CASZ1: variants seen among roughly 807,000 people sequenced by gnomAD.
The protein encoded by CASZ1 is zinc finger protein castor homolog 1.
In CASZ1, 28 loss-of-function variants were observed where a neutral mutation model predicts 135.2. That is an observed-to-expected ratio of 0.21 (90% confidence interval 0.15 to 0.28). The LOEUF is 0.28. Ranked by LOEUF, CASZ1 falls within the 10% of genes least tolerant of loss-of-function variation. CASZ1 has a pLI of 1.00. For missense variants in CASZ1, 2,161 were observed against 2,453.3 expected, an observed-to-expected ratio of 0.88 and a Z score of 2.52; for synonymous variants, 1,068 against 1,073.4, an observed-to-expected ratio of 0.99 and a Z score of 0.10.
chr1:10,745,721 C>G (rs1300468320), intron 2 of CASZ1, among the ~76,000 whole-genome samples: 4 of 152,196 alleles, frequency 2.6e-5, no homozygotes, highest in African/African-American at 9.7e-5. Context: ...TCTGTCCCCT[C>G]TAAGCCAAGA....
intron 1 of CASZ1, among the ~76,000 whole-genome samples, chr1:10,783,400 C>G (rs1289073544): frequency 6.7e-6 from 1 of 149,202 alleles, no homozygotes; most frequent in Non-Finnish European, 1.5e-5. Flanking sequence ...TTCCTTTTGC[C>G]CAAAGAAAGG....
chr1:10,692,230 C>T (rs1638791910), intron 4 of CASZ1, among the ~76,000 whole-genome samples: 1 of 152,216 alleles, frequency 6.6e-6, no homozygotes, highest in Non-Finnish European at 1.5e-5. Context: ...ACGCTGGCTC[C>T]AGCTGGCACC....
chr1:10,785,727 C>T (rs1465684968), intron 1 of CASZ1, among the ~76,000 whole-genome samples: 2 of 152,346 alleles, frequency 1.3e-5, no homozygotes, highest in South Asian at 2.1e-4. Context: ...CTTGGCTAAG[C>T]ACCGAGGCTC....
intron 2 of CASZ1, among the ~76,000 whole-genome samples, chr1:10,732,588 C>T (rs970671548): frequency 2.0e-5 from 3 of 152,156 alleles, no homozygotes; most frequent in African/African-American, 7.2e-5. Flanking sequence ...GGGAATTACA[C>T]ATCACATCCT....
Position 10,638,760 on chromosome 1 carries a change from C to G in CASZ1, c.*182G>C, listed in dbSNP as rs942294050. The G allele has an allele frequency of 2.3e-5, 12 of 512,970 alleles. No individual in the cohort carries two copies. Among genetic ancestry groups the G allele is most frequent in the Non-Finnish European group, 2.8e-5 (11 of 399,142 alleles). The allele number at this position is 512,970 out of a possible 1,614,324, so 31.8% of individuals were successfully genotyped here. A position where few individuals can be genotyped will look rare whatever the true frequency, so the allele number is the denominator to read the frequency against. On this transcript the variant is annotated 3_prime_UTR_variant, in exon 21 of 21. Coordinates refer to ENST00000377022, the MANE Select transcript of CASZ1 (RefSeq NM_001079843.3). The surrounding 1 kb of genome is among the most constrained non-coding windows in gnomAD (Gnocchi z 5.9). ...CCCGGCCTCCCTAGAGCAGGGCCACCGCCGCCGCCTGTGTCCTCGGCCGCG... is the reference window on the plus strand; with the variant it reads ...CCCGGCCTCCCTAGAGCAGGGCCACGGCCGCCGCCTGTGTCCTCGGCCGCG...
At chr1:10,722,312 C>A (rs1381021165) in intron 2 of CASZ1, among the ~76,000 whole-genome samples, 4 of 152,232 alleles carry the variant, frequency 2.6e-5, no homozygotes, top group Non-Finnish European at 5.9e-5. Flanking sequence ...ACATGTTTTG[C>A]TGAAGACACT....
Position 10,694,777 on chromosome 1 carries a change from G to C in CASZ1, c.-23-865C>G, listed in dbSNP as rs1302786797. 6.9e-6 allele frequency among the ~76,000 whole-genome samples: 1 copy of C among 145,148 alleles called. No individual in the cohort carries two copies. The highest frequency in any genetic ancestry group is 1.5e-5 in the Non-Finnish European group (1 of 65,418). On this transcript the variant is annotated intron_variant, in intron 3 of 20. Coordinates refer to ENST00000377022, the MANE Select transcript of CASZ1 (RefSeq NM_001079843.3). The surrounding 1 kb of genome is among the most constrained non-coding windows in gnomAD (Gnocchi z 6.6). Reference sequence around the variant, plus strand: ...TGCGATTCCCCAAACCTCTGGCTCCGGGAGGAGGAGGCGGGGACTTGCGCT... The same window carrying C: ...TGCGATTCCCCAAACCTCTGGCTCCCGGAGGAGGAGGCGGGGACTTGCGCT...
intron 2 of CASZ1, among the ~76,000 whole-genome samples, chr1:10,746,382 T>C (rs945908777): frequency 2.6e-5 from 4 of 151,988 alleles, no homozygotes; most frequent in African/African-American, 9.7e-5. Context: ...AAGATCCAAA[T>C]AAAAAGCCAA....
At chr1:10,746,306 C>T (rs946131093) in intron 2 of CASZ1, among the ~76,000 whole-genome samples, 4 of 152,152 alleles carry the variant, frequency 2.6e-5, no homozygotes, top group Admixed American at 1.3e-4. Flanking sequence ...GCTGAGAACT[C>T]GGCCAAAAAG....
Position 10,660,407 on chromosome 1 carries a change from C to T in CASZ1, c.635G>A (p.Gly212Asp). The change falls in exon 6 of 21, where the codon GGC becomes GAC. Residue 212 changes from glycine (G) to aspartate (D), a missense_variant. By Grantham distance (94) the Gly-to-Asp change is moderately conservative. Coordinates refer to ENST00000377022, the MANE Select transcript of CASZ1 (RefSeq NM_001079843.3). ...RKISFEKLHA[G>D]STPEAATSSM... ...GGAGGTGGCTGCCTCCGGGGTGGAG[C>T]CCGCGTGCAGCTTCTCAAAGCTGAT... is the stretch of plus-strand genomic sequence containing the variant. 6.2e-7 allele frequency: 1 copy of T among 1,614,156 alleles called. No individual in the cohort carries two copies. Among genetic ancestry groups the T allele is most frequent in the Non-Finnish European group, 8.5e-7 (1 of 1,180,000 alleles).
intron 18 of CASZ1, 65 bp from the exon 19 acceptor site, chr1:10,643,376 G>T (rs1200530820): frequency 1.3e-6 from 2 of 1,558,772 alleles, no homozygotes; most frequent in East Asian, 4.6e-5. Flanking sequence ...TCCAGGTCCT[G>T]TTGGGCACTG....
In CASZ1 at chr1:10,647,765, G is replaced by A. The variant is rs373350034; in HGVS notation, c.3497+36C>T. 2 of 1,611,426 alleles carry A rather than the reference G, an allele frequency of 1.2e-6. No homozygotes were observed. Among genetic ancestry groups the A allele is most frequent in the Non-Finnish European group, 1.7e-6 (2 of 1,180,002 alleles). ...CTAGCACCTACTCCCGAGACGCGAG[G>A]GGAACGCGGGACTCCCGGCTCATCG... On this transcript the variant is annotated intron_variant, in intron 16 of 20. Coordinates refer to ENST00000377022, the MANE Select transcript of CASZ1 (RefSeq NM_001079843.3). The surrounding 1 kb of genome is among the most constrained non-coding windows in gnomAD (Gnocchi z 4.9).
chr1:10,667,147 C>T (rs1237328487), intron 4 of CASZ1, among the ~76,000 whole-genome samples: 1 of 152,212 alleles, frequency 6.6e-6, no homozygotes, highest in Non-Finnish European at 1.5e-5. Flanking sequence ...ATGGCAATAC[C>T]TGGGTCCACC....
chr1:10,723,656 A>G (rs1053118022), intron 2 of CASZ1, among the ~76,000 whole-genome samples: 2 of 151,984 alleles, frequency 1.3e-5, no homozygotes, highest in African/African-American at 4.8e-5. Context: ...AGAGGAAAGG[A>G]CCCTCCAGGG....
chr1:10,682,764 T>C (rs981649642), intron 4 of CASZ1, among the ~76,000 whole-genome samples: 1 of 152,236 alleles, frequency 6.6e-6, no homozygotes, highest in Non-Finnish European at 1.5e-5. Context: ...TAGGGGCTCT[T>C]CAGCTCCATC....
intron 1 of CASZ1, among the ~76,000 whole-genome samples, chr1:10,792,502 A>G (rs1172761120): frequency 6.6e-6 from 1 of 151,914 alleles, no homozygotes; most frequent in Non-Finnish European, 1.5e-5. Context: ...TTTAATATTA[A>G]AAATGCATTA....
intron 1 of CASZ1, among the ~76,000 whole-genome samples, chr1:10,780,815 G>A (rs1469899923): frequency 6.6e-6 from 1 of 152,114 alleles, no homozygotes; most frequent in Non-Finnish European, 1.5e-5. Flanking sequence ...GTAAGTGACT[G>A]AACCTCTCAG....
chr1:10,649,338 C>G lies in CASZ1; in HGVS notation c.2980G>C (p.Val994Leu). ...AEPSPFLGKA[V>L]KALVQEKLAE... ...AACTTCTCCTGAACCAGCGCCTTCA[C>G]GGCCTTGCCTAGGAAGGGCGAGGGC... Residue 994 changes from valine (V) to leucine (L), a missense_variant, in exon 14 of 21, where the codon GTG (valine) becomes CTG (leucine). Around this residue, in one of 7 missense-constraint regions of CASZ1, gnomAD observed 406 missense variants for 387.6 expected, o/e 1.05. Transcript: ENST00000377022. 2.5e-6 allele frequency: 4 copies of G among 1,598,730 alleles called. No homozygotes were observed. Among genetic ancestry groups the G allele is most frequent in the East Asian group, 2.3e-5 (1 of 44,202 alleles).
chr1:10,675,276 G>A (rs1232511297), intron 4 of CASZ1, among the ~76,000 whole-genome samples: 1 of 152,216 alleles, frequency 6.6e-6, no homozygotes, highest in African/African-American at 2.4e-5. Context: ...TCAGTGCCCT[G>A]CGCTGGCAGC....
Sources: gnomAD v4.1 joint callset for allele counts (sites outside exome capture counted in the v4.1 genomes callset) on GRCh38, gnomAD v4.1.1 for gene constraint, gnomAD v4.1.1 regional missense constraint, Gnocchi (gnomAD v3.1) non-coding constraint, MANE v1.5 for transcripts, NCBI Gene and HGNC (gene_info 2026-07-23, HGNC 2026-07-21) for gene names.